CBFA2T3: variants seen among roughly 807,000 people sequenced by gnomAD.
CBFA2T3 encodes transcriptional corepressor CBFA2T3.
A neutral mutation model predicts 58.6 loss-of-function variants in CBFA2T3; 31 were observed. The observed-to-expected ratio is 0.53, with a 90% CI of 0.40 to 0.71. The LOEUF is 0.71. Ranked by LOEUF, CBFA2T3 falls within the 30% of genes least tolerant of loss-of-function variation. The probability of loss-of-function intolerance (pLI) is 0.00; values close to 1 mark genes in which losing one functional copy is unlikely to be tolerated. For missense variants in CBFA2T3, 1,076 were observed against 963.1 expected (o/e 1.12, Z -1.55); for synonymous variants, 531 against 421.9 (o/e 1.26, Z -3.17).
At chr16:88,951,550 C>T (rs964697136) in intron 1 of CBFA2T3, 4 of 363,578 alleles carry the variant, frequency 1.1e-5, no homozygotes, top group African/African-American at 4.3e-5. Flanking sequence ...ATCAGGGTGG[C>T]GACCGGGTTG....
chr16:88,877,142 G>A lies in CBFA2T3; in HGVS notation c.1796C>T (p.Pro599Leu). The A allele has an allele frequency of 1.3e-6, 2 of 1,550,152 alleles. No individual in the cohort carries two copies. Among genetic ancestry groups the A allele is most frequent in the Non-Finnish European group, 1.7e-6 (2 of 1,147,418 alleles). ...HHVCGQSLQGPTAVVADPVPG... is the reference protein window; with the variant it reads ...HHVCGQSLQGLTAVVADPVPG... ...CACCGGGTCGGCCACCACGGCTGTGGGGCCCTGCAGGCTCTGGCCACACAC... is the reference window on the plus strand; with the variant it reads ...CACCGGGTCGGCCACCACGGCTGTGAGGCCCTGCAGGCTCTGGCCACACAC... Residue 599 changes from proline to leucine, a missense_variant, in exon 12 of 12, where the codon CCC (proline) becomes CTC (leucine). Pro to Leu is a moderately conservative substitution (Grantham distance 98, BLOSUM62 -3). Transcript: ENST00000268679.
At position 88,889,271 on chromosome 16, in the gene CBFA2T3, G is replaced by C. The variant is rs189282722; in HGVS notation, c.711+2611C>G. On this transcript the variant is annotated intron_variant, in intron 5 of 11. Coordinates refer to ENST00000268679, the MANE Select transcript of CBFA2T3 (RefSeq NM_005187.6). ...AGCATGAGCACAGCAGGGCGTGGGA[G>C]GGGGCGGAGGAAGGCGGGAGGAGGG... 1.6e-4 allele frequency among the ~76,000 whole-genome samples: 24 copies of C among 148,316 alleles called. No individual in the cohort carries two copies. In the East Asian group the frequency reaches 4.2e-3, roughly 26 times the overall value.
At chr16:88,912,534 C>T (rs1192589437) in intron 1 of CBFA2T3, among the ~76,000 whole-genome samples, 1 of 152,196 alleles carries the variant, frequency 6.6e-6, no homozygotes, top group Non-Finnish European at 1.5e-5. Context: ...TCCCTGACCG[C>T]CCATGTCCCT....
chr16:88,901,772 A>T lies in CBFA2T3; in HGVS notation c.152-116T>A, dbSNP rs569930593. 75 of 894,838 alleles carry T rather than the reference A, an allele frequency of 8.4e-5. 1 individual carries two copies. The African/African-American group carries it at 1.2e-3, about 14-fold the overall frequency. The allele number at this position is 894,838 out of a possible 1,614,324, so 55.4% of individuals were successfully genotyped here. A position where few individuals can be genotyped will look rare whatever the true frequency, so the allele number is the denominator to read the frequency against. ...CTGAGTGTCCGCCCAGCGCTGGGGC[A>T]GTCTGCCCCAGGTGTCCTGACAGGT... On this transcript the variant is annotated intron_variant, in intron 1 of 11. Coordinates refer to ENST00000268679, the MANE Select transcript of CBFA2T3 (RefSeq NM_005187.6).
intron 1 of CBFA2T3, among the ~76,000 whole-genome samples, chr16:88,968,588 C>G (rs1972573009): frequency 1.3e-5 from 2 of 152,220 alleles, no homozygotes; most frequent in Admixed American, 6.5e-5. Flanking sequence ...GGTCCCAACC[C>G]TTGGTCTAGA....
At chr16:88,947,637 G>T (rs548403904) in intron 1 of CBFA2T3, among the ~76,000 whole-genome samples, 1 of 152,320 alleles carries the variant, frequency 6.6e-6, no homozygotes, top group African/African-American at 2.4e-5. Context: ...AAGTAGGCTG[G>T]GCTTGGTGGC....
intron 1 of CBFA2T3, among the ~76,000 whole-genome samples, chr16:88,924,597 C>T (rs558228726): frequency 9.8e-4 from 149 of 152,270 alleles, no homozygotes; most frequent in African/African-American, 3.4e-3. Flanking sequence ...CAGCTGGAAG[C>T]AGGGAGTGGC....
intron 1 of CBFA2T3, chr16:88,940,427 C>T (rs1029942770): frequency 1.3e-5 from 2 of 153,098 alleles, no homozygotes; most frequent in Non-Finnish European, 2.9e-5. Context: ...CAGCCTGGCT[C>T]GGGGCCTGCC....
chr16:88,918,552 C>T (rs1470977152), intron 1 of CBFA2T3, among the ~76,000 whole-genome samples: 4 of 152,242 alleles, frequency 2.6e-5, no homozygotes, highest in South Asian at 2.1e-4. Context: ...TCCAAGCGTG[C>T]GGCCCACCAA....
At position 88,877,122 on chromosome 16, in the gene CBFA2T3, G is replaced by A. The variant is rs1043337133; in HGVS notation, c.1816C>T (p.Pro606Ser). ...GCGGCTTCGGGCGGTCCAGGCACCG[G>A]GTCGGCCACCACGGCTGTGGGGCCC... ...LQGPTAVVAD[P>S]VPGPPEAAHS... The change falls in exon 12 of 12, where the codon CCG (proline) becomes TCG (serine). Residue 606 changes from proline to serine, a missense_variant. By Grantham distance (74) the Pro-to-Ser change is moderately conservative. Coordinates refer to ENST00000268679, the MANE Select transcript of CBFA2T3 (RefSeq NM_005187.6). 9.9e-5 allele frequency: 154 copies of A among 1,548,306 alleles called. 2 individuals are homozygous for A. The East Asian group carries it at 3.7e-3, about 37-fold the overall frequency.
intron 1 of CBFA2T3, among the ~76,000 whole-genome samples, chr16:88,905,860 G>A (rs1172735557): frequency 6.6e-6 from 1 of 151,958 alleles, no homozygotes; most frequent in African/African-American, 2.4e-5. Flanking sequence ...AGACATGGGG[G>A]GCTGGTTGCT....
chr16:88,939,073 A>G (rs1971612475), intron 1 of CBFA2T3: 1 of 152,228 alleles, frequency 6.6e-6, no homozygotes, highest in African/African-American at 2.4e-5. Context: ...ATCCTCGCGT[A>G]GGGAGAAAAA....
intron 4 of CBFA2T3, 69 bp from the exon 5 acceptor site, chr16:88,892,040 C>T (rs1969652931): frequency 1.4e-6 from 2 of 1,441,344 alleles, no homozygotes; most frequent in African/African-American, 1.4e-5. Context: ...CCCACCCATG[C>T]CTGAGGAGGA....
At position 88,882,747 on chromosome 16, in the gene CBFA2T3, G is replaced by T. The variant is rs757257654; in HGVS notation, c.1132C>A (p.Arg378=). The T allele has an allele frequency of 8.9e-6, 14 of 1,579,938 alleles. No homozygotes were observed. The highest frequency in any genetic ancestry group is 1.2e-5 in the Non-Finnish European group (14 of 1,162,782). ...TTGTGGTCGATCACTTCTTCCTGCC[G>T]GGACCCAGGCACCACTGTGGATGGG... The part of the protein sequence containing the change: ...RHRPLVVPGS[R]QEEVIDHKLT... Residue 378 remains arginine (R), a synonymous_variant, in exon 8 of 12, where the codon CGG becomes AGG. Transcript: ENST00000268679.
At chr16:88,922,905 T>G (rs1299544278) in intron 1 of CBFA2T3, among the ~76,000 whole-genome samples, 2 of 151,966 alleles carry the variant, frequency 1.3e-5, no homozygotes, top group Non-Finnish European at 2.9e-5. Flanking sequence ...AACATAAACC[T>G]CTCACTCTTC....
At chr16:88,922,210 C>T (rs1483113681) in intron 1 of CBFA2T3, among the ~76,000 whole-genome samples, 1 of 152,154 alleles carries the variant, frequency 6.6e-6, no homozygotes, top group Non-Finnish European at 1.5e-5. Context: ...CCATGCCTCC[C>T]TGGAAAACAG....
intron 1 of CBFA2T3, among the ~76,000 whole-genome samples, chr16:88,915,156 G>A (rs1391167789): frequency 4.9e-5 from 7 of 142,524 alleles, no homozygotes; most frequent in South Asian, 2.4e-4. Flanking sequence ...GCAAGCTTCC[G>A]TTGAGGATCC....
chr16:88,924,996 A>G (rs1597734431), intron 1 of CBFA2T3, among the ~76,000 whole-genome samples: 1 of 152,238 alleles, frequency 6.6e-6, no homozygotes, highest in Non-Finnish European at 1.5e-5. Context: ...GCCACCGGTC[A>G]CCGTGGCCAA....
intron 1 of CBFA2T3, among the ~76,000 whole-genome samples, chr16:88,970,387 G>C (rs150424007): frequency 6.6e-6 from 1 of 152,190 alleles, no homozygotes; most frequent in Non-Finnish European, 1.5e-5. Flanking sequence ...GCGTGCAGTG[G>C]GGTCCCTCTC....
Sources: gnomAD v4.1 joint callset for allele counts (sites outside exome capture counted in the v4.1 genomes callset) on GRCh38, gnomAD v4.1.1 for gene constraint, MANE v1.5 for transcripts, NCBI Gene and HGNC (gene_info 2026-07-23, HGNC 2026-07-21) for gene names.